ZMIZ1: variants seen among roughly 807,000 people sequenced by gnomAD.
ZMIZ1 encodes zinc finger MIZ domain-containing protein 1.
Under a neutral mutation model 113.9 loss-of-function variants are expected in ZMIZ1, and 17 were observed. That is an observed-to-expected ratio of 0.15 (90% CI 0.10 to 0.22). The LOEUF (loss-of-function observed/expected upper bound fraction) is 0.22. Ranked by LOEUF, ZMIZ1 falls within the 10% of genes least tolerant of loss-of-function variation. The pLI, the probability that ZMIZ1 is intolerant of heterozygous loss-of-function variation, is 1.00. For synonymous variants in ZMIZ1, 607 were observed against 603.1 expected (o/e 1.01, Z -0.09); for missense variants, 1,059 against 1,477.8 (o/e 0.72, Z 4.65).
chr10:79,310,549 C>G (rs1855066070), intron 23 of ZMIZ1, among the ~76,000 whole-genome samples: 4 of 152,162 alleles, frequency 2.6e-5, no homozygotes, highest in Admixed American at 2.6e-4. Flanking sequence ...CTCCCGCTCC[C>G]CGGAACATGC....
intron 3 of ZMIZ1, among the ~76,000 whole-genome samples, chr10:79,159,502 G>A (rs944413743): frequency 6.6e-6 from 1 of 152,228 alleles, no homozygotes; most frequent in Non-Finnish European, 1.5e-5. Flanking sequence ...CGGGCAGACT[G>A]TGAGTGGGGA....
chr10:79,183,331 C>T (rs1388257524), intron 4 of ZMIZ1, among the ~76,000 whole-genome samples: 1 of 151,462 alleles, frequency 6.6e-6, no homozygotes, highest in Non-Finnish European at 1.5e-5. Flanking sequence ...ACCCGGGACG[C>T]AGCACAGGCC....
At chr10:79,278,277 A>G (rs1466316029) in intron 8 of ZMIZ1, among the ~76,000 whole-genome samples, 1 of 152,188 alleles carries the variant, frequency 6.6e-6, no homozygotes, top group Non-Finnish European at 1.5e-5. Context: ...TACCATCGCA[A>G]GCCCACCACC....
Position 79,306,682 on chromosome 10 carries a change from G to A in ZMIZ1, c.2668+338G>A, listed in dbSNP as rs897679524. 3.3e-5 allele frequency among the ~76,000 whole-genome samples: 5 copies of A among 152,158 alleles called. No individual in the cohort carries two copies. The East Asian group carries it at 9.6e-4, about 29-fold the overall frequency. ...CTGCCCTCCTAGGGACAGAGTCCAGGTTCCTAGAGCCTCAGCCTTTGGCCA... is the reference window on the plus strand; with the variant it reads ...CTGCCCTCCTAGGGACAGAGTCCAGATTCCTAGAGCCTCAGCCTTTGGCCA... On this transcript the variant is annotated intron_variant, in intron 22 of 24. Transcript: ENST00000334512.
chr10:79,155,289 G>T (rs904733544), intron 3 of ZMIZ1, among the ~76,000 whole-genome samples: 1 of 152,222 alleles, frequency 6.6e-6, no homozygotes, highest in Middle Eastern at 3.2e-3. Context: ...TTGCTTGGAG[G>T]TGTTGGCTGG....
At chr10:79,297,754 C>T in intron 14 of ZMIZ1, 64 bp downstream of exon 14, 1 of 1,434,980 alleles carries the variant, frequency 7.0e-7, no homozygotes, top group South Asian at 1.2e-5. Flanking sequence ...AAGGTTCTCA[C>T]TGTTCCTGCT....
At chr10:79,228,298 G>A (rs1849268909) in intron 7 of ZMIZ1, among the ~76,000 whole-genome samples, 1 of 152,222 alleles carries the variant, frequency 6.6e-6, no homozygotes, top group Non-Finnish European at 1.5e-5. Flanking sequence ...TCAACCCTTT[G>A]TATAACAAGG....
rs201754642 is a variant in ZMIZ1 at position 79,140,063 on chromosome 10, T to TG, written c.-131+287dup. On this transcript the variant is annotated intron_variant, in intron 3 of 24. Coordinates refer to ENST00000334512, the MANE Select transcript of ZMIZ1 (RefSeq NM_020338.4). ...GTTCTCAAGGATTCTGTGAGTCAGT[T>TG]GTGTCTGATTTGGTTGAGCCATCTT... Among the ~76,000 whole-genome samples, 188 of 152,268 alleles carry TG rather than the reference T, an allele frequency of 1.2e-3. 3 individuals are homozygous for TG. The East Asian group carries it at 0.033, about 27-fold the overall frequency.
chr10:79,203,822 A>C (rs2132663868), intron 5 of ZMIZ1, among the ~76,000 whole-genome samples: 1 of 152,350 alleles, frequency 6.6e-6, no homozygotes, highest in African/African-American at 2.4e-5. Context: ...AATGGGCATC[A>C]TAATTAATTC....
intron 4 of ZMIZ1, among the ~76,000 whole-genome samples, chr10:79,200,639 C>T (rs1848035482): frequency 6.6e-6 from 1 of 152,172 alleles, no homozygotes; most frequent in Non-Finnish European, 1.5e-5. Context: ...TGATGTGCCA[C>T]CCTGGCTTTT....
intron 6 of ZMIZ1, among the ~76,000 whole-genome samples, chr10:79,214,435 AC>A (rs1181310084): frequency 5.9e-5 from 9 of 152,200 alleles, no homozygotes; most frequent in South Asian, 2.1e-4. Context: ...TCCAAGAGTC[AC>A]TGGTGATCCT....
intron 1 of ZMIZ1, among the ~76,000 whole-genome samples, chr10:79,091,291 C>T (rs146467345): frequency 4.4e-4 from 67 of 152,222 alleles, no homozygotes; most frequent in African/African-American, 1.5e-3. Context: ...GGGCAACTGC[C>T]TATTTATTGG....
Position 79,076,404 on chromosome 10 carries a change from G to C in ZMIZ1, c.-337+7134G>C, listed in dbSNP as rs143792384. On this transcript the variant is annotated intron_variant, in intron 1 of 24. Transcript: ENST00000334512. Reference sequence around the variant, plus strand: ...CTGAGTGCTCAGGGTGAGGACGAAGGATGGGGAGTTTTCAGTGGCATTCCC... The same window carrying C: ...CTGAGTGCTCAGGGTGAGGACGAAGCATGGGGAGTTTTCAGTGGCATTCCC... Among the ~76,000 whole-genome samples the C allele has an allele frequency of 2.4e-3, 370 of 152,318 alleles. 7 individuals carry two copies. The highest frequency in any genetic ancestry group is 0.011 in the Admixed American group (162 of 15,304).
At chr10:79,240,423 C>T (rs1849773225) in intron 7 of ZMIZ1, among the ~76,000 whole-genome samples, 1 of 152,110 alleles carries the variant, frequency 6.6e-6, no homozygotes, top group Admixed American at 6.5e-5. Context: ...TGGAGAAGGC[C>T]CTCTGAAGCA....
At chr10:79,100,399 A>G (rs934216590) in intron 1 of ZMIZ1, among the ~76,000 whole-genome samples, 2 of 151,184 alleles carry the variant, frequency 1.3e-5, no homozygotes, top group African/African-American at 4.9e-5. Context: ...AGAGCCCAGG[A>G]ATTCAAGAAC....
At chr10:79,270,602 G>A (rs775949391) in intron 7 of ZMIZ1, among the ~76,000 whole-genome samples, 1 of 152,184 alleles carries the variant, frequency 6.6e-6, no homozygotes, top group African/African-American at 2.4e-5. Context: ...GTTAAGTCAC[G>A]GCTGGTGTGG....
chr10:79,285,852 G>A (rs976077351), intron 8 of ZMIZ1, among the ~76,000 whole-genome samples: 2 of 152,218 alleles, frequency 1.3e-5, no homozygotes, highest in Non-Finnish European at 2.9e-5. Flanking sequence ...GGTGGCCTTT[G>A]GAAGAGCCTG....
intron 2 of ZMIZ1, among the ~76,000 whole-genome samples, chr10:79,122,695 C>T (rs1258264212): frequency 3.3e-5 from 5 of 152,182 alleles, no homozygotes; most frequent in African/African-American, 1.2e-4. Context: ...ACACCCATCA[C>T]ACCCTGGAGA....
At chr10:79,114,338 C>T (rs564028486) in intron 1 of ZMIZ1, among the ~76,000 whole-genome samples, 5 of 152,300 alleles carry the variant, frequency 3.3e-5, no homozygotes, top group African/African-American at 1.2e-4. Context: ...GTTTAGCGGG[C>T]TAAATGATTT....
Sources: gnomAD v4.1 joint callset for allele counts (sites outside exome capture counted in the v4.1 genomes callset) on GRCh38, gnomAD v4.1.1 for gene constraint, MANE v1.5 for transcripts, NCBI Gene and HGNC (gene_info 2026-07-23, HGNC 2026-07-21) for gene names.